AP2A1: variants seen among roughly 807,000 people sequenced by gnomAD.
AP2A1 encodes the protein adaptor related protein complex 2 subunit alpha 1.
In AP2A1, 21 loss-of-function variants were observed where a neutral mutation model predicts 107.3. The observed-to-expected ratio is 0.20, with a 90% CI of 0.14 to 0.28. The LOEUF (loss-of-function observed/expected upper bound fraction) is 0.28. AP2A1 is among the 10% of genes least tolerant of loss of function. The probability of loss-of-function intolerance (pLI) is 1.00; values close to 1 mark genes in which losing one functional copy is unlikely to be tolerated. For synonymous variants in AP2A1, 602 were observed against 564.8 expected, an observed-to-expected ratio of 1.07 and a Z score of -0.93; for missense variants, 873 against 1,307.7, an observed-to-expected ratio of 0.67 and a Z score of 5.13.
At chr19:49,800,215 C>T (rs559611052) in intron 11 of AP2A1, 65 bp downstream of exon 11, 57 of 1,506,140 alleles carry the variant, frequency 3.8e-5, no homozygotes, top group African/African-American at 2.8e-4. Flanking sequence ...CAAGGATGGC[C>T]GGGGCCGTGG....
chr19:49,805,802 C>T (rs1197257824), intron 20 of AP2A1, 25 bp downstream of exon 20: 1 of 1,516,746 alleles, frequency 6.6e-7, no homozygotes. Context: ...GGGGGCGGAG[C>T]CAAAGCCGCG....
chr19:49,791,816 C>T (rs894986357), intron 4 of AP2A1, 119 bp from the exon 5 acceptor site: 2 of 1,345,312 alleles, frequency 1.5e-6, no homozygotes, highest in African/African-American at 2.9e-5. Context: ...GGCCGCCTGG[C>T]TGTCTGTCCC....
chr19:49,787,450 C>T (rs1600227225), intron 4 of AP2A1, among the ~76,000 whole-genome samples: 2 of 149,808 alleles, frequency 1.3e-5, no homozygotes, highest in African/African-American at 4.9e-5. Context: ...CAAGTTCAAG[C>T]AATTCTCTTG....
At position 49,788,374 on chromosome 19, in the gene AP2A1, G is replaced by A. The variant is rs1448556104; in HGVS notation, c.474-3561G>A. 6.6e-6 allele frequency among the ~76,000 whole-genome samples: 1 copy of A among 152,182 alleles called. No homozygotes were observed. Among genetic ancestry groups the A allele is most frequent in the Non-Finnish European group, 1.5e-5 (1 of 68,042 alleles). ...TAAATAGCTCTTATTCCTTTGTGTGGTATCCTTATCTGTAAATGGAGATGA... is the reference window on the plus strand; with the variant it reads ...TAAATAGCTCTTATTCCTTTGTGTGATATCCTTATCTGTAAATGGAGATGA... On this transcript the variant is annotated intron_variant, in intron 4 of 22. Coordinates refer to ENST00000354293, the MANE Select transcript of AP2A1 (RefSeq NM_130787.3). The surrounding 1 kb of genome is among the most constrained non-coding windows in gnomAD (Gnocchi z 4.5).
chr19:49,767,349 G>T, intron 1 of AP2A1, 149 bp downstream of exon 1: 1 of 1,005,012 alleles, frequency 1.0e-6, no homozygotes, highest in Non-Finnish European at 1.5e-6. Flanking sequence ...GAACTTTAGA[G>T]TGGGGGGCAC....
Position 49,781,966 on chromosome 19 carries a change from C to T in AP2A1, c.156C>T (p.Gly52=), listed in dbSNP as rs1186779331. The part of the protein sequence containing the change: ...SKFKGDKALD[G]YSKKKYVCKL... ...CCCTAGGAGACAAAGCCTTGGATGG[C>T]TACAGTAAGAAAAAATATGTGTGTA... Residue 52 remains glycine (G), a synonymous_variant, in exon 3 of 23, where the codon GGC becomes GGT. Coordinates refer to ENST00000354293, the MANE Select transcript of AP2A1 (RefSeq NM_130787.3). 1 of 1,612,712 alleles carries T rather than the reference C, an allele frequency of 6.2e-7. No homozygotes were observed. The highest frequency in any genetic ancestry group is 2.2e-5 in the East Asian group (1 of 44,820).
At chr19:49,800,190 G>T (rs751157666) in intron 11 of AP2A1, 40 bp downstream of exon 11, 2 of 1,566,484 alleles carry the variant, frequency 1.3e-6, no homozygotes, top group Middle Eastern at 1.7e-4. Flanking sequence ...CCCACGACAG[G>T]ACCTAGAGGC....
At chr19:49,795,842 G>C (rs1373614965) in intron 7 of AP2A1, 104 bp downstream of exon 7, 1 of 912,400 alleles carries the variant, frequency 1.1e-6, no homozygotes, top group Non-Finnish European at 1.7e-6. Context: ...TCTGGGTCAG[G>C]ATTTCTCTGA....
At chr19:49,787,347 GTTTTTTGT>G (rs2084752598) in intron 4 of AP2A1, among the ~76,000 whole-genome samples, 2 of 96,182 alleles carry the variant, frequency 2.1e-5, no homozygotes, top group African/African-American at 4.5e-5. Context: ...TGTTTTTTTT[GTTTTTTGT>G]TTTTTTTTTT....
intron 12 of AP2A1, 36 bp downstream of exon 12, chr19:49,801,094 T>C: frequency 1.3e-6 from 2 of 1,556,468 alleles, no homozygotes; most frequent in Non-Finnish European, 1.7e-6. Flanking sequence ...AGAACACACA[T>C]GCTTCTGAGG....
chr19:49,779,944 G>A (rs1283225253), intron 1 of AP2A1, among the ~76,000 whole-genome samples: 3 of 152,252 alleles, frequency 2.0e-5, no homozygotes. Flanking sequence ...GATACCTGAA[G>A]TGAGGCTTAT....
Position 49,801,721 on chromosome 19 carries a change from G to A in AP2A1, c.1786-1G>A. The A allele has an allele frequency of 7.2e-7, 1 of 1,389,110 alleles. No homozygotes were observed. The highest frequency in any genetic ancestry group is 9.6e-7 in the Non-Finnish European group (1 of 1,046,038). 86.0% of individuals were successfully genotyped at this position (1,389,110 alleles called of 1,614,324 possible). On this transcript the variant is annotated splice_acceptor_variant, in intron 13 of 22. Transcript: ENST00000354293. LOFTEE classifies it high-confidence loss of function. ...GACCTTCCCCACCCCGACCGCGCCA[G>A]GCCACGGTGCTGGAGGAGATGCCGC...
At chr19:49,799,799 G>A (rs1264987878) in intron 10 of AP2A1, 33 bp downstream of exon 10, 1 of 1,604,012 alleles carries the variant, frequency 6.2e-7, no homozygotes, top group Non-Finnish European at 8.5e-7. Context: ...TGGACTCTTG[G>A]GTCTGAGGCA....
intron 7 of AP2A1, among the ~76,000 whole-genome samples, chr19:49,797,913 CA>C (rs35989584): frequency 0.41 from 62,815 of 151,508 alleles, 13,193 homozygotes; most frequent in Middle Eastern, 0.49. Flanking sequence ...GCCCTGTTTC[CA>C]AAAAATAGGA....
At chr19:49,783,008 G>A (rs980256514) in intron 4 of AP2A1, among the ~76,000 whole-genome samples, 3 of 152,246 alleles carry the variant, frequency 2.0e-5, no homozygotes, top group African/African-American at 7.2e-5. Context: ...TGTGCTATGT[G>A]GGTGACGGCC....
intron 10 of AP2A1, 26 bp from the exon 11 acceptor site, chr19:49,799,942 C>T: frequency 6.2e-7 from 1 of 1,607,864 alleles, no homozygotes; most frequent in Non-Finnish European, 8.5e-7. Context: ...CTGCGGCACA[C>T]TCTCTCTCAC....
rs1437147108 is a variant in AP2A1 at position 49,798,795 on chromosome 19, T to C, written c.815-7T>C. The C allele has an allele frequency of 6.2e-7, 1 of 1,602,924 alleles. No individual in the cohort carries two copies. Among genetic ancestry groups the C allele is most frequent in the Non-Finnish European group, 8.5e-7 (1 of 1,175,036 alleles). Reference sequence around the variant, plus strand: ...CTCAGCCGGGGGCGTCCCCTTCGTTTCCCCAGAGGATGCGGCTGTGAAGGG... The same window carrying C: ...CTCAGCCGGGGGCGTCCCCTTCGTTCCCCCAGAGGATGCGGCTGTGAAGGG... On this transcript the variant is annotated splice_region_variant and splice_polypyrimidine_tract_variant and intron_variant, in intron 7 of 22. Transcript: ENST00000354293.
rs755736343 is a variant in AP2A1, at chr19:49,798,793, T to C, written c.815-9T>C. ...CACTCAGCCGGGGGCGTCCCCTTCG[T>C]TTCCCCAGAGGATGCGGCTGTGAAG... On this transcript the variant is annotated splice_polypyrimidine_tract_variant and intron_variant, in intron 7 of 22. Coordinates refer to ENST00000354293, the MANE Select transcript of AP2A1 (RefSeq NM_130787.3). The C allele has an allele frequency of 6.2e-7, 1 of 1,602,542 alleles. No homozygotes were observed. The highest frequency in any genetic ancestry group is 2.3e-5 in the East Asian group (1 of 44,386).
At chr19:49,784,154 G>A (rs1164965285) in intron 4 of AP2A1, among the ~76,000 whole-genome samples, 4 of 152,204 alleles carry the variant, frequency 2.6e-5, no homozygotes, top group East Asian at 3.9e-4. Context: ...AAGGCCGGGC[G>A]TGGTGCTCAC....
Sources: gnomAD v4.1 joint callset for allele counts (sites outside exome capture counted in the v4.1 genomes callset) on GRCh38, gnomAD v4.1.1 for gene constraint, Gnocchi (gnomAD v3.1) non-coding constraint, MANE v1.5 for transcripts, NCBI Gene and HGNC (gene_info 2026-07-23, HGNC 2026-07-21) for gene names.